The following LINGO2 variants were observed in gnomAD, a reference collection of about 807,000 sequenced individuals.
The protein encoded by LINGO2 is leucine-rich repeat and immunoglobulin-like domain-containing nogo receptor-interacting protein 2.
A neutral mutation model predicts 30.6 loss-of-function variants in LINGO2; 14 were observed. The observed-to-expected ratio is 0.46, with a 90% CI of 0.30 to 0.72. The LOEUF is 0.72. Among genes scored for constraint, LINGO2 ranks in the 30% least tolerant of loss-of-function variants. LINGO2 has a pLI of 0.07. For missense variants in LINGO2, 729 were observed against 751.7 expected, an observed-to-expected ratio of 0.97 and a Z score of 0.35; for synonymous variants, 317 against 288.5, an observed-to-expected ratio of 1.10 and a Z score of -1.00.
At chr9:28,601,768 T>C (rs764242033) in intron 1 of LINGO2, among the ~76,000 whole-genome samples, 12 of 152,240 alleles carry the variant, frequency 7.9e-5, no homozygotes, top group Non-Finnish European at 1.6e-4. Context: ...TCCTCACTCA[T>C]AGCTGCATAT....
At chr9:28,083,877 G>A (rs1262716926) in intron 4 of LINGO2, among the ~76,000 whole-genome samples, 1 of 152,082 alleles carries the variant, frequency 6.6e-6, no homozygotes, top group East Asian at 1.9e-4. Flanking sequence ...AAGGAATAAA[G>A]AACAGTTAAG....
the LINGO2 span, among the ~76,000 whole-genome samples, chr9:28,747,507 G>T: frequency 6.6e-6 from 1 of 152,192 alleles, no homozygotes; most frequent in East Asian, 1.9e-4. Context: ...AGCTGAAAGA[G>T]CACAGTGTAG....
chr9:28,381,449 G>C (rs77454340), intron 2 of LINGO2, among the ~76,000 whole-genome samples: 2 of 151,950 alleles, frequency 1.3e-5, no homozygotes, highest in African/African-American at 4.8e-5. Context: ...AATCACAGCC[G>C]CTCATGGAAT....
intron 4 of LINGO2, among the ~76,000 whole-genome samples, chr9:28,259,347 T>A (rs1019556412): frequency 6.6e-6 from 1 of 152,022 alleles, no homozygotes; most frequent in Non-Finnish European, 1.5e-5. Flanking sequence ...ACCTAATGTT[T>A]TTTTCTTCTT....
At chr9:29,074,529 A>T in the LINGO2 span, among the ~76,000 whole-genome samples, 8 of 152,190 alleles carry the variant, frequency 5.3e-5, no homozygotes, top group African/African-American at 1.9e-4. Flanking sequence ...AGTCCAGCTA[A>T]CTTCAAGGAC....
chr9:28,554,621 A>C, intron 1 of LINGO2, among the ~76,000 whole-genome samples: 1 of 112,624 alleles, frequency 8.9e-6, no homozygotes, highest in Non-Finnish European at 1.8e-5. Context: ...ATACCCAGGA[A>C]TTGAACTCAG....
chr9:28,565,410 G>C (rs1823321529), intron 1 of LINGO2, among the ~76,000 whole-genome samples: 1 of 151,368 alleles, frequency 6.6e-6, no homozygotes, highest in East Asian at 2.0e-4. Context: ...GGATGATCTC[G>C]ATCTGACCTC....
intron 4 of LINGO2, among the ~76,000 whole-genome samples, chr9:28,120,371 C>T (rs1457913633): frequency 2.6e-5 from 4 of 152,156 alleles, no homozygotes; most frequent in Non-Finnish European, 5.9e-5. Context: ...GTATAGCTAA[C>T]AATCTGAATG....
chr9:28,838,884 T>C, the LINGO2 span, among the ~76,000 whole-genome samples: 1 of 152,134 alleles, frequency 6.6e-6, no homozygotes, highest in Non-Finnish European at 1.5e-5. Context: ...TGAGCAAGCA[T>C]GGGACCCAGC....
At chr9:28,548,686 G>A (rs1053682475) in intron 1 of LINGO2, among the ~76,000 whole-genome samples, 1 of 105,852 alleles carries the variant, frequency 9.4e-6, no homozygotes, top group Non-Finnish European at 1.7e-5. Flanking sequence ...CCTGGCAACA[G>A]AGCGAGACTC....
intron 2 of LINGO2, among the ~76,000 whole-genome samples, chr9:28,473,574 T>A (rs1233740950): frequency 6.6e-6 from 1 of 152,082 alleles, no homozygotes; most frequent in Admixed American, 6.5e-5. Context: ...TCTTCCCTTT[T>A]CAGAGGGAGC....
At chr9:28,497,709 C>A (rs186156857) in intron 1 of LINGO2, among the ~76,000 whole-genome samples, 123 of 152,292 alleles carry the variant, frequency 8.1e-4, no homozygotes, top group African/African-American at 2.8e-3. Context: ...TGAGGAGTTG[C>A]ATTCCTTTGG....
chr9:28,333,917 A>G (rs1386278629), intron 3 of LINGO2, among the ~76,000 whole-genome samples: 1 of 152,204 alleles, frequency 6.6e-6, no homozygotes, highest in Admixed American at 6.5e-5. Flanking sequence ...ACCTTATTAT[A>G]CTTTTGTCAG....
At chr9:28,057,559 A>ATATATACAGATATATACACATATATG (rs1824986485) in intron 4 of LINGO2, among the ~76,000 whole-genome samples, 1 of 126,168 alleles carries the variant, frequency 7.9e-6, no homozygotes, top group Non-Finnish European at 1.7e-5. Flanking sequence ...ATAAGTATAT[A>ATATATACAGATATATACACATATATG]TATATACATA....
the LINGO2 span, among the ~76,000 whole-genome samples, chr9:28,905,312 A>C: frequency 6.6e-6 from 1 of 151,794 alleles, no homozygotes; most frequent in Non-Finnish European, 1.5e-5. Context: ...ACATTAAACT[A>C]AAAAACTTCT....
At position 28,247,992 on chromosome 9, in the gene LINGO2, C is replaced by T. The variant is rs1014913185; in HGVS notation, c.-87+47216G>A. Among the ~76,000 whole-genome samples the T allele has an allele frequency of 2.0e-5, 3 of 152,244 alleles. No homozygotes were observed. The East Asian group carries it at 5.8e-4, about 29-fold the overall frequency. On this transcript the variant is annotated intron_variant, in intron 4 of 5. Transcript: ENST00000379992. ...GAGAGGATGTGGAAAAAAGGCAACC[C>T]TCATACACTGTTGGTTGGAATGTAA...
chr9:28,245,765 T>C (rs539942220), intron 4 of LINGO2, among the ~76,000 whole-genome samples: 1 of 152,172 alleles, frequency 6.6e-6, no homozygotes, highest in East Asian at 1.9e-4. Context: ...CAAGGAGAAC[T>C]ACAAACCACT....
chr9:28,863,551 C>G, the LINGO2 span: 6 of 487,352 alleles, frequency 1.2e-5, no homozygotes, highest in Admixed American at 1.3e-4. Flanking sequence ...TCTTGTAATA[C>G]AAAGTGGCTT....
At chr9:28,289,981 T>C (rs1823657997) in intron 4 of LINGO2, among the ~76,000 whole-genome samples, 1 of 152,216 alleles carries the variant, frequency 6.6e-6, no homozygotes, top group South Asian at 2.1e-4. Flanking sequence ...CATTTATTGC[T>C]TTGGCTCACA....
Sources: gnomAD v4.1 joint callset for allele counts (sites outside exome capture counted in the v4.1 genomes callset) on GRCh38, gnomAD v4.1.1 for gene constraint, MANE v1.5 for transcripts, NCBI Gene and HGNC (gene_info 2026-07-23, HGNC 2026-07-21) for gene names.